Variants in PLA2G10 observed in about 807,000 individuals in gnomAD.
The protein encoded by PLA2G10 is group 10 secretory phospholipase A2.
Under a neutral mutation model 7.9 loss-of-function variants are expected in PLA2G10, and 9 were observed. The ratio of observed to expected loss-of-function variants is 1.14; its 90% CI spans 0.68 to 1.98. The LOEUF is 1.98. Ranked by LOEUF, PLA2G10 falls within the 30% of genes most tolerant of loss-of-function variation. PLA2G10 has a pLI of 0.00. For synonymous variants in PLA2G10, 19 were observed against 27.5 expected (o/e 0.69, Z 0.97); for missense variants, 53 against 65.4 (o/e 0.81, Z 0.66).
chr16:14,686,721 C>T (rs1961078406), intron 3 of PLA2G10, among the ~76,000 whole-genome samples: 1 of 152,092 alleles, frequency 6.6e-6, no homozygotes. Flanking sequence ...TCTCAAACTC[C>T]TGGCCTCAAG....
At chr16:14,683,646 C>T (rs1339268533) in intron 3 of PLA2G10, among the ~76,000 whole-genome samples, 1 of 152,104 alleles carries the variant, frequency 6.6e-6, no homozygotes, top group Non-Finnish European at 1.5e-5. Flanking sequence ...CAACCCCTTA[C>T]CTCACTCCGT....
At chr16:14,683,916 G>A (rs61444673) in intron 3 of PLA2G10, among the ~76,000 whole-genome samples, 7 of 152,088 alleles carry the variant, frequency 4.6e-5, no homozygotes, top group East Asian at 1.9e-4. Flanking sequence ...ATCACATATC[G>A]GGTAAGAGTC....
intron 3 of PLA2G10, among the ~76,000 whole-genome samples, chr16:14,673,410 C>A (rs1189172398): frequency 6.6e-6 from 1 of 151,872 alleles, no homozygotes; most frequent in Non-Finnish European, 1.5e-5. Context: ...CTGTCTCTGT[C>A]ACCCAGGCTG....
At position 14,677,601 on chromosome 16, in the gene PLA2G10, G is replaced by A. The variant is rs183759220; in HGVS notation, c.356-4852C>T. Among the ~76,000 whole-genome samples the A allele has an allele frequency of 4.3e-3, 654 of 152,230 alleles. 1 individual carries two copies. In the Middle Eastern group the frequency reaches 0.044, roughly 10 times the overall value. Reference sequence around the variant, plus strand: ...AGGATGCTCTCAATCTCTTGACCTCGTGATCTGCCCGCCTTAGCCTCCTAA... The same window carrying A: ...AGGATGCTCTCAATCTCTTGACCTCATGATCTGCCCGCCTTAGCCTCCTAA... On this transcript the variant is annotated intron_variant, in intron 3 of 3. Transcript: ENST00000438167.
At chr16:14,676,895 C>T (rs975150863) in intron 3 of PLA2G10, among the ~76,000 whole-genome samples, 1 of 152,110 alleles carries the variant, frequency 6.6e-6, no homozygotes, top group Non-Finnish European at 1.5e-5. Context: ...TGTATGTTCT[C>T]ACTTATAAGT....
chr16:14,682,552 G>T (rs1003049537), intron 3 of PLA2G10, among the ~76,000 whole-genome samples: 1 of 152,090 alleles, frequency 6.6e-6, no homozygotes, highest in African/African-American at 2.4e-5. Flanking sequence ...CTCCTGCCTG[G>T]GCTACAGAGT....
rs192235371 is a variant in PLA2G10, at chr16:14,672,564, C to A, written c.*43G>T. ...ATGCTGTTGTTCATTACTGAGAGGACGCTTTATTTCCTTGTGCAAAAGAGC... is the reference window on the plus strand; with the variant it reads ...ATGCTGTTGTTCATTACTGAGAGGAAGCTTTATTTCCTTGTGCAAAAGAGC... On this transcript the variant is annotated 3_prime_UTR_variant, in exon 4 of 4. Coordinates refer to ENST00000438167, the MANE Select transcript of PLA2G10 (RefSeq NM_003561.3). The A allele has an allele frequency of 2.5e-6, 4 of 1,598,212 alleles. No homozygotes were observed. The African/African-American group carries it at 5.4e-5, about 21-fold the overall frequency.
intron 3 of PLA2G10, among the ~76,000 whole-genome samples, chr16:14,679,014 C>A (rs1009917417): frequency 1.3e-5 from 2 of 152,090 alleles, no homozygotes. Context: ...GCATCACCTC[C>A]ACGTGGCTGT....
At chr16:14,677,832 A>G (rs1452183153) in intron 3 of PLA2G10, among the ~76,000 whole-genome samples, 2 of 146,254 alleles carry the variant, frequency 1.4e-5, no homozygotes, top group Non-Finnish European at 3.0e-5. Context: ...TGGAAATTGG[A>G]TGGATGGGTG....
chr16:14,685,370 CAAAAAAAAA>C (rs1237588588), intron 3 of PLA2G10, among the ~76,000 whole-genome samples: 1 of 62,942 alleles, frequency 1.6e-5, no homozygotes, highest in Non-Finnish European at 3.3e-5. Flanking sequence ...GATTTCGTGT[CAAAAAAAAA>C]AAAAAAAGAA....
At position 14,683,045 on chromosome 16, in the gene PLA2G10, G is replaced by A. The variant is rs1167889462; in HGVS notation, c.355+5120C>T. 4.6e-5 allele frequency among the ~76,000 whole-genome samples: 7 copies of A among 151,602 alleles called. No individual in the cohort carries two copies. The Admixed American group carries it at 4.6e-4, about 10-fold the overall frequency. ...GATCGTGCCACTGCACTTCAGCCTG[G>A]GCGACAGAGCAAGACTCCATCTCAA... On this transcript the variant is annotated intron_variant, in intron 3 of 3. Transcript: ENST00000438167.
intron 3 of PLA2G10, among the ~76,000 whole-genome samples, chr16:14,687,315 T>A (rs1488356203): frequency 6.6e-6 from 1 of 151,516 alleles, no homozygotes; most frequent in African/African-American, 2.4e-5. Context: ...TTAGAAGTGG[T>A]TGGTTAGGTA....
At chr16:14,677,070 A>G (rs989863635) in intron 3 of PLA2G10, among the ~76,000 whole-genome samples, 11 of 152,230 alleles carry the variant, frequency 7.2e-5, no homozygotes, top group African/African-American at 2.7e-4. Flanking sequence ...CAATTCATCC[A>G]TGTAACCAAA....
In PLA2G10 at chr16:14,687,816, G is replaced by C. The variant is rs1339334540; in HGVS notation, c.355+349C>G. On this transcript the variant is annotated intron_variant, in intron 3 of 3. Transcript: ENST00000438167. ...GTTTGAGACCAGCCTGGCCAACTTG[G>C]TGAAACCCCACCTCTACTGAAAAAA... 2.0e-5 allele frequency among the ~76,000 whole-genome samples: 3 copies of C among 151,328 alleles called. No individual in the cohort carries two copies. The East Asian group carries it at 5.9e-4, about 30-fold the overall frequency.
At chr16:14,686,664 G>A (rs1356495395) in intron 3 of PLA2G10, among the ~76,000 whole-genome samples, 1 of 152,022 alleles carries the variant, frequency 6.6e-6, no homozygotes, top group Non-Finnish European at 1.5e-5. Context: ...ACATACCAGG[G>A]TAATTTTGTA....
chr16:14,675,270 GA>G (rs1193480900), intron 3 of PLA2G10, among the ~76,000 whole-genome samples: 29 of 151,626 alleles, frequency 1.9e-4, no homozygotes, highest in African/African-American at 6.8e-4. Flanking sequence ...GTAGAAGAAT[GA>G]AACTGGATCC....
At chr16:14,678,495 G>A in intron 3 of PLA2G10, 1 of 229,820 alleles carries the variant, frequency 4.4e-6, no homozygotes, top group South Asian at 4.5e-5. Flanking sequence ...AAGGCCGAGT[G>A]TGGTGGCTCA....
intron 3 of PLA2G10, among the ~76,000 whole-genome samples, chr16:14,678,237 G>A (rs1243375189): frequency 6.6e-6 from 1 of 152,034 alleles, no homozygotes; most frequent in African/African-American, 2.4e-5. Flanking sequence ...GGGCGACGGG[G>A]ACAAATACCC....
chr16:14,685,871 C>T (rs1961042170), intron 3 of PLA2G10, among the ~76,000 whole-genome samples: 1 of 152,002 alleles, frequency 6.6e-6, no homozygotes, highest in Non-Finnish European at 1.5e-5. Context: ...GACGTGGTTT[C>T]ACCATGTTGG....
Sources: gnomAD v4.1 joint callset for allele counts (sites outside exome capture counted in the v4.1 genomes callset) on GRCh38, gnomAD v4.1.1 for gene constraint, MANE v1.5 for transcripts, NCBI Gene and HGNC (gene_info 2026-07-23, HGNC 2026-07-21) for gene names.